Variants in LRRC72 observed in about 807,000 individuals in gnomAD.
LRRC72 encodes leucine-rich repeat-containing protein 72.
Under a neutral mutation model 35.8 loss-of-function variants are expected in LRRC72, and 41 were observed. The ratio of observed to expected loss-of-function variants is 1.15; its 90% CI spans 0.89 to 1.49. The LOEUF (loss-of-function observed/expected upper bound fraction) is 1.49. Among genes scored for constraint, LRRC72 ranks in the 40% most tolerant of loss-of-function variants. The pLI, the probability that LRRC72 is intolerant of heterozygous loss-of-function variation, is 0.00. For missense variants in LRRC72, 389 were observed against 330.7 expected (o/e 1.18, Z -1.37); for synonymous variants, 118 against 119.2 (o/e 0.99, Z 0.07).
At position 16,567,523 on chromosome 7, in the gene LRRC72, C is replaced by T; in HGVS notation, c.650C>T (p.Pro217Leu). ...CCTAAATCACCATTTAAGCAAAAACCAGCCCAGAGAGTACCTTCAGGTATT... is the reference window on the plus strand; with the variant it reads ...CCTAAATCACCATTTAAGCAAAAACTAGCCCAGAGAGTACCTTCAGGTATT... The part of the protein sequence containing the change: ...WDPKSPFKQK[P>L]AQRVPSDFAF... The change falls in exon 7 of 9, where the codon CCA (proline) becomes CTA (leucine). Residue 217 changes from proline (P) to leucine (L), a missense_variant. Physicochemically the swap from Pro to Leu is moderately conservative, Grantham distance 98 (BLOSUM62 -3). Transcript: ENST00000401542. 6.9e-7 allele frequency: 1 copy of T among 1,449,936 alleles called. No homozygotes were observed. The highest frequency in any genetic ancestry group is 9.1e-7 in the Non-Finnish European group (1 of 1,100,098). 89.8% of individuals were successfully genotyped at this position (1,449,936 alleles called of 1,614,324 possible).
chr7:16,562,043 C>T (rs983170040), intron 5 of LRRC72, among the ~76,000 whole-genome samples: 3 of 152,208 alleles, frequency 2.0e-5, no homozygotes, highest in Non-Finnish European at 2.9e-5. Context: ...CTCAGCATCG[C>T]ACCTTCCATT....
At chr7:16,532,738 T>A (rs1290424202) in intron 2 of LRRC72, 170 bp downstream of exon 2, 42 of 647,738 alleles carry the variant, frequency 6.5e-5, no homozygotes, top group Non-Finnish European at 3.6e-5. Flanking sequence ...AGAGACAAGA[T>A]ACTGAAATTG....
chr7:16,549,699 G>C (rs1782514948), intron 3 of LRRC72, among the ~76,000 whole-genome samples: 1 of 152,192 alleles, frequency 6.6e-6, no homozygotes, highest in Non-Finnish European at 1.5e-5. Flanking sequence ...CCTGCCAGAA[G>C]TCTGGAAAAG....
chr7:16,560,926 C>T (rs143639506), intron 5 of LRRC72, among the ~76,000 whole-genome samples: 93 of 152,044 alleles, frequency 6.1e-4, no homozygotes, highest in African/African-American at 2.1e-3. Context: ...TTATTATAGT[C>T]GCATTTAAAT....
intron 7 of LRRC72, among the ~76,000 whole-genome samples, chr7:16,576,100 G>A (rs1783035757): frequency 6.6e-6 from 1 of 151,992 alleles, no homozygotes; most frequent in South Asian, 2.1e-4. Flanking sequence ...TCTAATAATC[G>A]ATAGGACAAT....
intron 1 of LRRC72, among the ~76,000 whole-genome samples, chr7:16,532,238 G>T (rs117995971): frequency 6.6e-6 from 1 of 152,078 alleles, no homozygotes; most frequent in Non-Finnish European, 1.5e-5. Flanking sequence ...TGGTGTATAC[G>T]TACACATACA....
At chr7:16,534,566 C>G (rs1373442866) in intron 2 of LRRC72, among the ~76,000 whole-genome samples, 1 of 152,084 alleles carries the variant, frequency 6.6e-6, no homozygotes, top group African/African-American at 2.4e-5. Context: ...ACAGTTAATA[C>G]TTTAAAGTTT....
intron 3 of LRRC72, among the ~76,000 whole-genome samples, chr7:16,539,432 A>T (rs144355376): frequency 7.9e-4 from 120 of 152,332 alleles, no homozygotes; most frequent in African/African-American, 2.8e-3. Context: ...TCACAAAGAG[A>T]TTATCTGAAA....
chr7:16,575,436 A>G (rs1783022312), intron 7 of LRRC72, among the ~76,000 whole-genome samples: 2 of 152,172 alleles, frequency 1.3e-5, no homozygotes, highest in Non-Finnish European at 2.9e-5. Context: ...ATTCTGATGT[A>G]CACTCAAGTC....
At chr7:16,541,186 C>T (rs1481434766) in intron 3 of LRRC72, among the ~76,000 whole-genome samples, 1 of 152,212 alleles carries the variant, frequency 6.6e-6, no homozygotes, top group African/African-American at 2.4e-5. Flanking sequence ...AAGCTAGTGA[C>T]TAGGTTGTTT....
intron 5 of LRRC72, among the ~76,000 whole-genome samples, chr7:16,562,739 T>C (rs1782764825): frequency 6.6e-6 from 1 of 152,188 alleles, no homozygotes; most frequent in South Asian, 2.1e-4. Context: ...TTTGAGCCTC[T>C]TTTCCTATAA....
chr7:16,547,149 T>A (rs1050651925), intron 3 of LRRC72, among the ~76,000 whole-genome samples: 1 of 152,052 alleles, frequency 6.6e-6, no homozygotes, highest in Non-Finnish European at 1.5e-5. Flanking sequence ...GAACCTGTGA[T>A]TACCCAGCTG....
intron 6 of LRRC72, among the ~76,000 whole-genome samples, chr7:16,566,644 G>A (rs1782849666): frequency 6.6e-6 from 1 of 152,126 alleles, no homozygotes; most frequent in South Asian, 2.1e-4. Flanking sequence ...ACTGAGCTGA[G>A]GAAAGTATTC....
At chr7:16,529,083 G>T (rs913688657) in intron 1 of LRRC72, among the ~76,000 whole-genome samples, 1 of 152,124 alleles carries the variant, frequency 6.6e-6, no homozygotes, top group African/African-American at 2.4e-5. Flanking sequence ...AAGGCCTGAA[G>T]AAGTTTTCTC....
intron 7 of LRRC72, among the ~76,000 whole-genome samples, chr7:16,571,736 G>A (rs1039247780): frequency 6.6e-6 from 1 of 152,132 alleles, no homozygotes; most frequent in Non-Finnish European, 1.5e-5. Context: ...ACACCACCAG[G>A]GCCCTGGGTT....
intron 8 of LRRC72, among the ~76,000 whole-genome samples, chr7:16,580,587 T>C (rs1359085448): frequency 6.6e-6 from 1 of 152,170 alleles, no homozygotes; most frequent in Non-Finnish European, 1.5e-5. Context: ...GAAGTTGCAG[T>C]GAGCCTAAAT....
intron 3 of LRRC72, among the ~76,000 whole-genome samples, chr7:16,549,225 T>C (rs1302756195): frequency 3.3e-5 from 5 of 152,242 alleles, no homozygotes; most frequent in Admixed American, 3.3e-4. Flanking sequence ...AGTTTCTGTT[T>C]ATTGGACATC....
intron 7 of LRRC72, among the ~76,000 whole-genome samples, chr7:16,577,511 A>G (rs930250963): frequency 9.2e-5 from 14 of 152,244 alleles, no homozygotes; most frequent in African/African-American, 3.1e-4. Context: ...TCAAAGAGAA[A>G]TGTTGACAGA....
At chr7:16,576,476 T>A (rs554956007) in intron 7 of LRRC72, among the ~76,000 whole-genome samples, 1 of 152,346 alleles carries the variant, frequency 6.6e-6, no homozygotes, top group African/African-American at 2.4e-5. Context: ...ATATTTCTAA[T>A]ATCTTGAGAA....
Sources: allele counts gnomAD v4.1 joint callset (sites outside exome capture counted in the v4.1 genomes callset), GRCh38; gene constraint gnomAD v4.1.1; transcripts MANE v1.5; gene names NCBI Gene and HGNC (gene_info 2026-07-23, HGNC 2026-07-21).